Variants in RNF34 observed in about 807,000 individuals in gnomAD.
The protein encoded by RNF34 is E3 ubiquitin-protein ligase RNF34.
Under a neutral mutation model 37.9 loss-of-function variants are expected in RNF34, and 12 were observed. That is an observed-to-expected ratio of 0.32 (90% CI 0.20 to 0.51). The LOEUF (loss-of-function observed/expected upper bound fraction) is 0.51, where lower values mean the gene tolerates loss of function less well. Among genes scored for constraint, RNF34 ranks in the 20% least tolerant of loss-of-function variants. The pLI, the probability that RNF34 is intolerant of heterozygous loss-of-function variation, is 0.97. For missense variants in RNF34, 362 were observed against 472.7 expected (o/e 0.77, Z 2.17); for synonymous variants, 155 against 177.2 (o/e 0.87, Z 1.00).
intron 1 of RNF34, among the ~76,000 whole-genome samples, chr12:121,408,264 A>T (rs1317446505): frequency 6.6e-6 from 1 of 152,088 alleles, no homozygotes; most frequent in African/African-American, 2.4e-5. Flanking sequence ...AACATGGTGA[A>T]ACCCCGTCTC....
rs1871633720 is a variant in RNF34, at chr12:121,417,001, TTTGA to T, written c.226-499_226-496del. ...CTTTAAGCTTCTCTAGTGGCAAGGC[TTTGA>T]TTGTGATTAGGCTGTGTAGTTTACA... On this transcript the variant is annotated intron_variant, in intron 2 of 5. Transcript: ENST00000361234. This position sits in a 1 kb window ranked among gnomAD's most constrained non-coding sequence, Gnocchi z 5.0. 1.3e-5 allele frequency among the ~76,000 whole-genome samples: 2 copies of T among 152,344 alleles called. No homozygotes were observed. The highest frequency in any genetic ancestry group is 1.3e-4 in the Admixed American group (2 of 15,304).
At chr12:121,400,321 C>T (rs1869848486) in intron 1 of RNF34, 103 bp downstream of exon 1, 3 of 1,378,362 alleles carry the variant, frequency 2.2e-6, no homozygotes, top group African/African-American at 1.4e-5. Flanking sequence ...ACCTAGTCGT[C>T]ATCTCGGAGA....
In RNF34 at chr12:121,423,600, G is replaced by C; in HGVS notation, c.*24G>C. On this transcript the variant is annotated 3_prime_UTR_variant, in exon 6 of 6. Coordinates refer to ENST00000361234, the MANE Select transcript of RNF34 (RefSeq NM_025126.4). The surrounding 1 kb of genome is among the most constrained non-coding windows in gnomAD (Gnocchi z 4.3). Reference sequence around the variant, plus strand: ...GAAACAGGCTCCCCTCACCAGGACAGTCACCCCCAAACTTGACCCCCAACA... The same window carrying C: ...GAAACAGGCTCCCCTCACCAGGACACTCACCCCCAAACTTGACCCCCAACA... 3 of 1,601,202 alleles carry C rather than the reference G, an allele frequency of 1.9e-6. No individual in the cohort carries two copies. The highest frequency in any genetic ancestry group is 1.7e-4 in the Middle Eastern group (1 of 6,018).
chr12:121,400,202 C>T lies in RNF34; in HGVS notation c.-11C>T. On this transcript the variant is annotated 5_prime_UTR_variant, in exon 1 of 6. Transcript: ENST00000361234. The stretch of plus-strand genomic sequence containing the variant: ...CCTGGTAGAGCCGGCCGAGCTGAGG[C>T]GGTCGCGGCCATGAAGGTGAGGGGC... 1.2e-6 allele frequency: 2 copies of T among 1,608,890 alleles called. No individual in the cohort carries two copies. Among genetic ancestry groups the T allele is most frequent in the Non-Finnish European group, 1.7e-6 (2 of 1,178,832 alleles).
intron 1 of RNF34, among the ~76,000 whole-genome samples, chr12:121,402,255 T>C (rs1566221233): frequency 6.6e-6 from 1 of 150,912 alleles, no homozygotes; most frequent in Non-Finnish European, 1.5e-5. Context: ...TTGGCCAACA[T>C]AGCAAAACCC....
intron 1 of RNF34, among the ~76,000 whole-genome samples, chr12:121,403,489 G>C (rs1323735742): frequency 2.0e-5 from 3 of 151,738 alleles, no homozygotes; most frequent in African/African-American, 7.3e-5. Flanking sequence ...ATGTAGGAAA[G>C]TTTAACCTAA....
At chr12:121,406,354 C>A (rs1870535292) in intron 1 of RNF34, among the ~76,000 whole-genome samples, 1 of 150,964 alleles carries the variant, frequency 6.6e-6, no homozygotes, top group Non-Finnish European at 1.5e-5. Flanking sequence ...GTGGCGTGAT[C>A]TCAGCTCACT....
At chr12:121,408,336 G>A (rs1230654213) in intron 1 of RNF34, among the ~76,000 whole-genome samples, 2 of 152,116 alleles carry the variant, frequency 1.3e-5, no homozygotes, top group Non-Finnish European at 2.9e-5. Flanking sequence ...CAGCTACTTG[G>A]GAGGCTGAGG....
Position 121,416,378 on chromosome 12 carries a change from G to T in RNF34, c.225+1G>T. ...TTCATTTTCAGTCTTTAGAAAGAAGGTGAGTTGGATGAAATGTTACATAAC... is the reference window on the plus strand; with the variant it reads ...TTCATTTTCAGTCTTTAGAAAGAAGTTGAGTTGGATGAAATGTTACATAAC... On this transcript the variant is annotated splice_donor_variant, in intron 2 of 5. Transcript: ENST00000361234. LOFTEE classifies it high-confidence loss of function. 6.2e-7 allele frequency: 1 copy of T among 1,600,446 alleles called. No homozygotes were observed. The highest frequency in any genetic ancestry group is 8.6e-7 in the Non-Finnish European group (1 of 1,167,588).
intron 1 of RNF34, among the ~76,000 whole-genome samples, chr12:121,403,171 CAGATCACA>C (rs1408239698): frequency 6.6e-6 from 1 of 152,058 alleles, no homozygotes. Flanking sequence ...CCGAGGCAGG[CAGATCACA>C]AGGTCAGGAG....
intron 1 of RNF34, chr12:121,415,253 A>G: frequency 3.4e-6 from 1 of 290,168 alleles, no homozygotes; most frequent in Non-Finnish European, 7.7e-6. Flanking sequence ...TCATTTAAAA[A>G]ATTATTTACA....
Position 121,408,405 on chromosome 12 carries a change from G to A in RNF34, c.7-7754G>A, listed in dbSNP as rs535678224. On this transcript the variant is annotated intron_variant, in intron 1 of 5. Coordinates refer to ENST00000361234, the MANE Select transcript of RNF34 (RefSeq NM_025126.4). The stretch of plus-strand genomic sequence containing the variant: ...TGCAGTGAGCCAAGATCATACCACC[G>A]CACTCCAGCCTGGGTAACAAGAGTG... Among the ~76,000 whole-genome samples, 7 of 152,104 alleles carry A rather than the reference G, an allele frequency of 4.6e-5. No individual in the cohort carries two copies. The East Asian group carries it at 5.8e-4, about 13-fold the overall frequency.
chr12:121,410,313 C>T (rs953499264), intron 1 of RNF34, among the ~76,000 whole-genome samples: 2 of 151,524 alleles, frequency 1.3e-5, no homozygotes, highest in Non-Finnish European at 2.9e-5. Context: ...CTGAGGCAGG[C>T]GGATTACGAG....
At chr12:121,421,395 A>AAAC (rs1555283379) in intron 5 of RNF34, among the ~76,000 whole-genome samples, 1 of 149,946 alleles carries the variant, frequency 6.7e-6, no homozygotes, top group Non-Finnish European at 1.5e-5. Flanking sequence ...AAAAAAAAAA[A>AAAC]AAACCAAAAA....
chr12:121,403,942 CTA>C (rs2136896145), intron 1 of RNF34, among the ~76,000 whole-genome samples: 1 of 150,794 alleles, frequency 6.6e-6, no homozygotes, highest in East Asian at 1.9e-4. Context: ...CGAGAAGAGT[CTA>C]TGGCATTATT....
At position 121,417,466 on chromosome 12, in the gene RNF34, T is replaced by G; in HGVS notation, c.226-38T>G. 1.9e-6 allele frequency: 3 copies of G among 1,562,824 alleles called. No individual in the cohort carries two copies. Among genetic ancestry groups the G allele is most frequent in the Non-Finnish European group, 2.6e-6 (3 of 1,151,528 alleles). On this transcript the variant is annotated intron_variant, in intron 2 of 5. Transcript: ENST00000361234. The surrounding 1 kb of genome is among the most constrained non-coding windows in gnomAD (Gnocchi z 5.0). ...AGAAAACTCATGCTTTCATAATGGT[T>G]TATATCTTGCTGTCATCAAATGCTT...
rs1872385611 is a variant in RNF34, at chr12:121,424,060, T to C, written c.*484T>C. On this transcript the variant is annotated 3_prime_UTR_variant, in exon 6 of 6. Transcript: ENST00000361234. The stretch of plus-strand genomic sequence containing the variant: ...GTCATGTATATTTTAAATGCTAACA[T>C]TTGATGAATGTAAGTTTCCACATTG... 1 of 153,128 alleles carries C rather than the reference T, an allele frequency of 6.5e-6. No homozygotes were observed. Among genetic ancestry groups the C allele is most frequent in the Non-Finnish European group, 1.5e-5 (1 of 68,382 alleles). 9.5% of individuals were successfully genotyped at this position (153,128 alleles called of 1,614,324 possible).
intron 1 of RNF34, among the ~76,000 whole-genome samples, chr12:121,413,225 C>A (rs544658836): frequency 6.6e-6 from 1 of 151,500 alleles, no homozygotes; most frequent in Admixed American, 6.6e-5. Flanking sequence ...CGGCGTTTCG[C>A]CATGTTGTCC....
chr12:121,414,490 G>A (rs1477273515), intron 1 of RNF34, among the ~76,000 whole-genome samples: 1 of 152,176 alleles, frequency 6.6e-6, no homozygotes, highest in Non-Finnish European at 1.5e-5. Flanking sequence ...GATAGCCCTG[G>A]TGGCTCAAAG....
Sources: allele counts gnomAD v4.1 joint callset (sites outside exome capture counted in the v4.1 genomes callset), GRCh38; gene constraint gnomAD v4.1.1; non-coding constraint Gnocchi (gnomAD v3.1); transcripts MANE v1.5; gene names NCBI Gene and HGNC (gene_info 2026-07-23, HGNC 2026-07-21).